NHSL2: variants seen among roughly 807,000 people sequenced by gnomAD.
NHSL2 encodes the protein NHS like 2, also known as NHS-like protein 2.
A neutral mutation model predicts 53.4 loss-of-function variants in NHSL2; 27 were observed. That is an observed-to-expected ratio of 0.51 (90% CI 0.37 to 0.70). The LOEUF (loss-of-function observed/expected upper bound fraction) is 0.70. NHSL2 is among the 30% of genes least tolerant of loss of function. NHSL2 has a pLI of 0.00. For synonymous variants in NHSL2, 408 were observed against 404.1 expected, an observed-to-expected ratio of 1.01 and a Z score of -0.12; for missense variants, 892 against 980.1, an observed-to-expected ratio of 0.91 and a Z score of 1.20.
chrX:71,990,433 T>C (rs2042022528), intron 1 of NHSL2, among the ~76,000 whole-genome samples: 1 of 111,175 alleles, frequency 9.0e-6, no homozygotes, highest in Non-Finnish European at 1.9e-5. Flanking sequence ...CTGTTGGCGA[T>C]CCAGCCATCC....
intron 1 of NHSL2, among the ~76,000 whole-genome samples, chrX:72,096,715 C>G (rs184642568): frequency 4.5e-5 from 5 of 112,051 alleles, no homozygotes; most frequent in African/African-American, 1.6e-4. Flanking sequence ...AAACATTTAT[C>G]ATTTCTTTGT....
intron 1 of NHSL2, among the ~76,000 whole-genome samples, chrX:72,032,859 T>A (rs1187087458): frequency 8.0e-5 from 9 of 111,852 alleles, no homozygotes; most frequent in African/African-American, 2.9e-4. Context: ...ACTCTGCTCT[T>A]AAAAATAAAT....
At chrX:72,032,488 A>G (rs73563857) in intron 1 of NHSL2, among the ~76,000 whole-genome samples, 2,293 of 111,612 alleles carry the variant, frequency 0.021, 61 homozygotes, top group African/African-American at 0.072. Context: ...GTACCCATCT[A>G]CTACCCACTC....
intron 1 of NHSL2, among the ~76,000 whole-genome samples, chrX:71,958,126 C>T (rs1366222798): frequency 9.0e-6 from 1 of 110,682 alleles, no homozygotes; most frequent in African/African-American, 3.3e-5. Context: ...GCATTCCAGG[C>T]CCCAGCAGCA....
In NHSL2 at chrX:72,107,772, C is replaced by T. The variant is rs751504277; in HGVS notation, c.281-24307C>T. On this transcript the variant is annotated intron_variant, in intron 1 of 7. Coordinates refer to ENST00000633930, the MANE Select transcript of NHSL2 (RefSeq NM_001013627.3). ...GGAAAAGAGGGCAGGGGTGGGAGAACGGCATTCTAGAGCAAAGGAACAATT... is the reference window on the plus strand; with the variant it reads ...GGAAAAGAGGGCAGGGGTGGGAGAATGGCATTCTAGAGCAAAGGAACAATT... Among the ~76,000 whole-genome samples, 10 of 111,754 alleles carry T rather than the reference C, an allele frequency of 8.9e-5. No individual in the cohort carries two copies. In the South Asian group the frequency reaches 2.2e-3, roughly 25 times the overall value.
At chrX:71,983,327 T>C (rs781414194) in intron 1 of NHSL2, among the ~76,000 whole-genome samples, 3 of 109,840 alleles carry the variant, frequency 2.7e-5, no homozygotes, top group African/African-American at 1.0e-4. Flanking sequence ...AAATTTTGCT[T>C]GGTGCTATGT....
intron 1 of NHSL2, among the ~76,000 whole-genome samples, chrX:72,049,042 A>AGAGGAG: frequency 9.4e-6 from 1 of 106,167 alleles, no homozygotes. Flanking sequence ...AGGAAGAGGA[A>AGAGGAG]GAAGAAGAAG....
At chrX:71,933,058 C>T (rs774257316) in intron 1 of NHSL2, among the ~76,000 whole-genome samples, 33 of 112,362 alleles carry the variant, frequency 2.9e-4, no homozygotes, top group Middle Eastern at 4.6e-3. Context: ...TTTCCCAGCC[C>T]TCCACACCTA....
intron 1 of NHSL2, among the ~76,000 whole-genome samples, chrX:72,101,024 C>A (rs2041987626): frequency 9.2e-6 from 1 of 109,203 alleles, no homozygotes; most frequent in African/African-American, 3.3e-5. Context: ...CACTCAAAAC[C>A]CAATGCCTGT....
intron 1 of NHSL2, among the ~76,000 whole-genome samples, chrX:71,955,038 C>T (rs778979244): frequency 8.9e-6 from 1 of 112,193 alleles, no homozygotes; most frequent in East Asian, 2.8e-4. Context: ...TTATACAATC[C>T]TCACTTTCCT....
At chrX:72,106,726 A>G (rs1173436865) in intron 1 of NHSL2, among the ~76,000 whole-genome samples, 1 of 112,151 alleles carries the variant, frequency 8.9e-6, no homozygotes, top group Non-Finnish European at 1.9e-5. Context: ...ATATCCATCA[A>G]TGATAGACTG....
Position 72,140,315 on chromosome X carries a change from G to A in NHSL2, c.2767G>A (p.Val923Ile), listed in dbSNP as rs1338052881. The A allele has an allele frequency of 6.6e-6, 8 of 1,209,169 alleles. No individual in the cohort carries two copies. Among genetic ancestry groups the A allele is most frequent in the Non-Finnish European group, 7.8e-6 (7 of 894,730 alleles). The change falls in exon 6 of 8, where the codon GTA becomes ATA. Residue 923 changes from valine to isoleucine, a missense_variant. Physicochemically the swap from Val to Ile is conservative, Grantham distance 29. Transcript: ENST00000633930. The stretch of plus-strand genomic sequence containing the variant: ...ACCACTCCCTCAAGACAGCTACACG[G>A]TAGTGCGGAAACCAAAGCCCTCCAG... ...ARPLPQDSYT[V>I]VRKPKPSSFP...
At chrX:71,920,799 A>G (rs763793985) in intron 1 of NHSL2, among the ~76,000 whole-genome samples, 2 of 104,095 alleles carry the variant, frequency 1.9e-5, no homozygotes, top group East Asian at 6.1e-4. Context: ...TAGGTTACAT[A>G]TATATTTTGT....
intron 1 of NHSL2, among the ~76,000 whole-genome samples, chrX:71,948,700 C>T (rs1336175338): frequency 5.5e-5 from 6 of 109,276 alleles, no homozygotes; most frequent in African/African-American, 1.7e-4. Flanking sequence ...CATGGAGGCA[C>T]GCACCTGTAG....
intron 1 of NHSL2, among the ~76,000 whole-genome samples, chrX:72,028,011 G>A (rs1227319145): frequency 8.9e-6 from 1 of 111,769 alleles, no homozygotes; most frequent in African/African-American, 3.3e-5. Flanking sequence ...TGCTGCTGCT[G>A]CCACTGCTGC....
intron 1 of NHSL2, among the ~76,000 whole-genome samples, chrX:72,061,787 G>T (rs1348839644): frequency 8.9e-6 from 1 of 111,940 alleles, no homozygotes; most frequent in African/African-American, 3.2e-5. Context: ...TCACTTCGTG[G>T]CCTCATGGCC....
Position 71,969,222 on chromosome X carries a change from G to A in NHSL2, c.280+57855G>A, listed in dbSNP as rs185825794. ...TTTTCAACCATGTTTTCTAGTTTTCGAAGTAAGAAATTTTTACTTCTTTTG... is the reference window on the plus strand; with the variant it reads ...TTTTCAACCATGTTTTCTAGTTTTCAAAGTAAGAAATTTTTACTTCTTTTG... On this transcript the variant is annotated intron_variant, in intron 1 of 7. Coordinates refer to ENST00000633930, the MANE Select transcript of NHSL2 (RefSeq NM_001013627.3). 1.3e-3 allele frequency among the ~76,000 whole-genome samples: 141 copies of A among 108,726 alleles called. 1 individual carries two copies. The highest frequency in any genetic ancestry group is 4.9e-3 in the Middle Eastern group (1 of 203). The allele number at this position is 108,726 out of a possible 115,157, so 94.4% of individuals were successfully genotyped here.
intron 1 of NHSL2, among the ~76,000 whole-genome samples, chrX:72,026,524 G>A (rs1044842716): frequency 6.2e-5 from 7 of 112,412 alleles, no homozygotes; most frequent in South Asian, 3.7e-4. Flanking sequence ...GTGGGAGCTG[G>A]AGCCTGCAGC....
intron 1 of NHSL2, among the ~76,000 whole-genome samples, chrX:71,961,170 C>A (rs902090710): frequency 3.6e-5 from 4 of 111,487 alleles, no homozygotes; most frequent in Admixed American, 1.9e-4. Flanking sequence ...TTCTTAATGT[C>A]ATTTTTGATT....
Sources: gnomAD v4.1 joint callset for allele counts (sites outside exome capture counted in the v4.1 genomes callset) on GRCh38, gnomAD v4.1.1 for gene constraint, MANE v1.5 for transcripts, NCBI Gene and HGNC (gene_info 2026-07-23, HGNC 2026-07-21) for gene names.